Variants in PDE4C observed in about 807,000 individuals in gnomAD.
The protein encoded by PDE4C is 3',5'-cyclic-AMP phosphodiesterase 4C.
Under a neutral mutation model 63.9 loss-of-function variants are expected in PDE4C, and 50 were observed. That is an observed-to-expected ratio of 0.78 (90% confidence interval 0.62 to 0.99). The LOEUF (loss-of-function observed/expected upper bound fraction) is 0.99, where lower values mean the gene tolerates loss of function less well. Ranked by LOEUF, PDE4C falls within the 50% of genes least tolerant of loss-of-function variation. The pLI is 0.00. For missense variants in PDE4C, 777 were observed against 899.1 expected (o/e 0.86, Z 1.74); for synonymous variants, 377 against 385.1 (o/e 0.98, Z 0.25).
chr19:18,216,867 G>C (rs764775885), exon 12 of PDE4C: 1 of 1,613,808 alleles, frequency 6.2e-7, no homozygotes, highest in East Asian at 2.2e-5. Context: ...GCACCGAGGC[G>C]TCGTTGTACA....
At chr19:18,232,398 TGTGTGTGTGTGC>T (rs1329693669) in intron 1 of PDE4C, among the ~76,000 whole-genome samples, 2 of 87,970 alleles carry the variant, frequency 2.3e-5, no homozygotes, top group African/African-American at 4.9e-5. Flanking sequence ...TGTGTGTGTG[TGTGTGTGTGTGC>T]GTGTGTGTGT....
exon 15 of PDE4C, chr19:18,211,125 G>C (rs774852899): frequency 6.2e-7 from 1 of 1,614,124 alleles, no homozygotes; most frequent in Non-Finnish European, 8.5e-7. Context: ...GTCCCGCTCG[G>C]GGTTGGTGAG....
At chr19:18,254,750 C>G in the PDE4C span, among the ~76,000 whole-genome samples, 1 of 152,066 alleles carries the variant, frequency 6.6e-6, no homozygotes, top group Non-Finnish European at 1.5e-5. Context: ...AAGGCTCCTC[C>G]CCTCCACCCT....
chr19:18,219,383 C>G, exon 8 of PDE4C: 1 of 1,606,216 alleles, frequency 6.2e-7, no homozygotes, highest in Non-Finnish European at 8.5e-7. Context: ...GGCAGCTCCA[C>G]CTCGGTCTGC....
chr19:18,233,058 C>A (rs868472984), exon 1 of PDE4C: 12 of 1,569,410 alleles, frequency 7.6e-6, no homozygotes, highest in Admixed American at 7.5e-5. Flanking sequence ...CGAATAGAAG[C>A]GCTGTTGGAT....
upstream of PDE4C, among the ~76,000 whole-genome samples, chr19:18,237,812 G>C (rs1056404517): frequency 7.0e-6 from 1 of 143,148 alleles, no homozygotes; most frequent in African/African-American, 2.6e-5. Context: ...GGTGGAGCTT[G>C]CAGTGAGCTG....
chr19:18,215,171 C>G (rs563552991), intron 12 of PDE4C, among the ~76,000 whole-genome samples: 2 of 152,278 alleles, frequency 1.3e-5, no homozygotes, highest in East Asian at 3.9e-4. Flanking sequence ...TCACTCCAAG[C>G]CTTGGCTTTC....
chr19:18,228,263 A>T (rs1013247628), upstream of PDE4C, among the ~76,000 whole-genome samples: 8 of 151,944 alleles, frequency 5.3e-5, no homozygotes, highest in African/African-American at 1.9e-4. Flanking sequence ...CTCCCCCAAA[A>T]TCACAGACAT....
chr19:18,226,214 C>G (rs1157148758), intron 1 of PDE4C, 56 bp downstream of exon 1: 3 of 1,434,154 alleles, frequency 2.1e-6, no homozygotes, highest in Non-Finnish European at 2.9e-6. Context: ...CCCTGCCCTT[C>G]CCACCTCCAC....
chr19:18,212,831 G>T (rs1968017436), intron 13 of PDE4C, among the ~76,000 whole-genome samples: 1 of 151,036 alleles, frequency 6.6e-6, no homozygotes, highest in Non-Finnish European at 1.5e-5. Flanking sequence ...GAGATTACAG[G>T]CGCCCGCCAC....
chr19:18,248,138 G>A, intron 1 of PDE4C: 1 of 456,134 alleles, frequency 2.2e-6, no homozygotes, highest in Non-Finnish European at 4.4e-6. Context: ...GAATAAGCTT[G>A]CTCCAGGAGG....
chr19:18,211,367 C>G, intron 14 of PDE4C, 91 bp from the exon 15 acceptor site: 5 of 1,120,772 alleles, frequency 4.5e-6, no homozygotes, highest in Non-Finnish European at 6.3e-6. Flanking sequence ...CAAGTTGTTC[C>G]CTCTGCCTGG....
chr19:18,217,784 C>A (rs1184781407), intron 11 of PDE4C, among the ~76,000 whole-genome samples: 1 of 152,136 alleles, frequency 6.6e-6, no homozygotes, highest in Non-Finnish European at 1.5e-5. Flanking sequence ...GTAATCCCAG[C>A]TACTCGGGAG....
upstream of PDE4C, among the ~76,000 whole-genome samples, chr19:18,234,901 A>AC (rs552647292): frequency 4.0e-4 from 60 of 150,870 alleles, no homozygotes; most frequent in South Asian, 5.9e-3. Context: ...CCTGTTCTCC[A>AC]CCCCCCCACC....
chr19:18,221,282 C>A, exon 3 of PDE4C: 1 of 1,543,092 alleles, frequency 6.5e-7, no homozygotes, highest in East Asian at 2.3e-5. Flanking sequence ...GCGTCACAAT[C>A]ATGTCCTCTC....
At position 18,220,169 on chromosome 19, in the gene PDE4C, C is replaced by G. The variant is rs1268725941; in HGVS notation, c.706+57G>C. 8 of 1,376,750 alleles carry G rather than the reference C, an allele frequency of 5.8e-6. No homozygotes were observed. Among genetic ancestry groups the G allele is most frequent in the African/African-American group, 1.4e-5 (1 of 70,276 alleles). The allele number at this position is 1,376,750 out of a possible 1,614,324, so 85.3% of individuals were successfully genotyped here. A position where few individuals can be genotyped will look rare whatever the true frequency, so the allele number is the denominator to read the frequency against. On this transcript the variant is annotated intron_variant, in intron 7 of 14. Coordinates refer to ENST00000262805, the Ensembl canonical transcript of PDE4C. The surrounding 1 kb of genome is among the most constrained non-coding windows in gnomAD (Gnocchi z 5.1). ...ACTGAGGTCTATCATAGGAATCTTT[C>G]TTTTGTTTCTTAGTACTCCTAAAAT...
At chr19:18,208,065 A>G (rs1967760783), downstream of PDE4C, 2 of 152,152 alleles carry the variant, frequency 1.3e-5, no homozygotes, top group Admixed American at 6.6e-5. Flanking sequence ...ACTGGGGGGA[A>G]AAATCTTGAA....
upstream of PDE4C, among the ~76,000 whole-genome samples, chr19:18,234,515 A>T (rs1406245551): frequency 6.6e-6 from 1 of 152,170 alleles, no homozygotes; most frequent in East Asian, 1.9e-4. Context: ...GTAGGCATGA[A>T]CAGCAGCAGG....
exon 12 of PDE4C, chr19:18,216,791 T>C: frequency 6.2e-7 from 1 of 1,614,152 alleles, no homozygotes; most frequent in Non-Finnish European, 8.5e-7. Context: ...GCGCTGAGGT[T>C]CTGGAAGATA....
Sources: gnomAD v4.1 joint callset for allele counts (sites outside exome capture counted in the v4.1 genomes callset) on GRCh38, gnomAD v4.1.1 for gene constraint, Gnocchi (gnomAD v3.1) non-coding constraint, MANE v1.5 for transcripts, NCBI Gene and HGNC (gene_info 2026-07-23, HGNC 2026-07-21) for gene names.